The following ADAM7 variants were observed in gnomAD, a reference collection of about 807,000 sequenced individuals.
ADAM7 encodes ADAM metallopeptidase domain 7.
In ADAM7, 97 loss-of-function variants were observed where a neutral mutation model predicts 102.9. The ratio of observed to expected loss-of-function variants is 0.94; its 90% CI spans 0.80 to 1.12. The LOEUF is 1.12. ADAM7 is among the 50% of genes most tolerant of loss of function. The pLI, the probability that ADAM7 is intolerant of heterozygous loss-of-function variation, is 0.00. For synonymous variants in ADAM7, 334 were observed against 304.4 expected (o/e 1.10, Z -1.01); for missense variants, 991 against 908.7 (o/e 1.09, Z -1.16).
rs146651127 is a variant in ADAM7, at chr8:24,500,813, C to T, written c.2026C>T (p.Leu676Phe). 42 of 1,613,104 alleles carry T rather than the reference C, an allele frequency of 2.6e-5. No individual in the cohort carries two copies. In the African/African-American group the frequency reaches 5.3e-4, roughly 21 times the overall value. ...VTNITILVVV[L>F]VLVIVGIGVL... The stretch of plus-strand genomic sequence containing the variant: ...AGATATCACCATCTTGGTTGTTGTG[C>T]TTGTCCTGGTTATTGTCGGTATCGG... Residue 676 changes from leucine (L) to phenylalanine (F), a missense_variant, in exon 19 of 22, where the codon CTT becomes TTT. Physicochemically the swap from Leu to Phe is conservative, Grantham distance 22. Coordinates refer to ENST00000175238, the MANE Select transcript of ADAM7 (RefSeq NM_003817.4).
At chr8:24,448,989 T>C (rs1401379215) in intron 3 of ADAM7, among the ~76,000 whole-genome samples, 5 of 152,206 alleles carry the variant, frequency 3.3e-5, no homozygotes, top group Admixed American at 3.3e-4. Flanking sequence ...AACTCATCCT[T>C]TTTTATGGCT....
chr8:24,468,788 G>A lies in ADAM7; in HGVS notation c.601G>A (p.Val201Ile). ...KIKGIHDEKY[V>I]ELFIVADDTV... ...ACAGGGCATCCATGATGAAAAGTAT[G>A]TTGAATTGTTCATTGTTGCTGATGA... Residue 201 changes from valine to isoleucine, a missense_variant, in exon 7 of 22, where the codon GTT becomes ATT. Coordinates refer to ENST00000175238, the MANE Select transcript of ADAM7 (RefSeq NM_003817.4). The A allele has an allele frequency of 6.2e-7, 1 of 1,613,288 alleles. No individual in the cohort carries two copies. The highest frequency in any genetic ancestry group is 8.5e-7 in the Non-Finnish European group (1 of 1,179,714).
Position 24,509,310 on chromosome 8 carries a change from T to G in ADAM7, c.*764T>G. 1 of 985,414 alleles carries G rather than the reference T, an allele frequency of 1.0e-6. No individual in the cohort carries two copies. Among genetic ancestry groups the G allele is most frequent in the Non-Finnish European group, 1.2e-6 (1 of 829,948 alleles). 61.0% of individuals were successfully genotyped at this position (985,414 alleles called of 1,614,324 possible). On this transcript the variant is annotated 3_prime_UTR_variant, in exon 22 of 22. Transcript: ENST00000175238. ...GTCTTTGTCCTGTGCAATTTGACAA[T>G]GTGCCATTTCTGTGCTGTCTCTGCC...
chr8:24,459,146 G>A (rs1819146863), intron 3 of ADAM7, among the ~76,000 whole-genome samples: 1 of 151,858 alleles, frequency 6.6e-6, no homozygotes, highest in Non-Finnish European at 1.5e-5. Context: ...GAGCATATTT[G>A]TGTGTATGTG....
At position 24,471,228 on chromosome 8, in the gene ADAM7, A is replaced by G. The variant is rs571354704; in HGVS notation, c.633+2408A>G. Among the ~76,000 whole-genome samples, 113 of 152,270 alleles carry G rather than the reference A, an allele frequency of 7.4e-4. 1 individual carries two copies. The highest frequency in any genetic ancestry group is 2.7e-3 in the African/African-American group (112 of 41,582). ...AAAAATCAAAAGTTTAAAAATTTTT[A>G]AAGTTTATAAAGTAAAAATGTTACA... On this transcript the variant is annotated intron_variant, in intron 7 of 21. Transcript: ENST00000175238.
intron 19 of ADAM7, 126 bp from the exon 20 acceptor site, chr8:24,501,351 A>G: frequency 3.1e-6 from 2 of 654,668 alleles, no homozygotes; most frequent in South Asian, 4.3e-5. Context: ...ATTTCAATAT[A>G]TTTAACATTG....
chr8:24,503,303 A>G (rs552023865), intron 20 of ADAM7, among the ~76,000 whole-genome samples: 1 of 152,278 alleles, frequency 6.6e-6, no homozygotes, highest in East Asian at 1.9e-4. Context: ...TTGTAGCAAC[A>G]GCGATAATTT....
At chr8:24,502,310 GA>G (rs1209810600) in intron 20 of ADAM7, among the ~76,000 whole-genome samples, 6 of 151,812 alleles carry the variant, frequency 4.0e-5, no homozygotes, top group Non-Finnish European at 8.8e-5. Context: ...GCTTCTGTTT[GA>G]AAAGAAGAAA....
Position 24,481,122 on chromosome 8 carries a change from G to A in ADAM7, c.706-1020G>A, listed in dbSNP as rs189391896. Among the ~76,000 whole-genome samples the A allele has an allele frequency of 6.5e-3, 990 of 152,130 alleles. 10 individuals are homozygous for A. The highest frequency in any genetic ancestry group is 0.012 in the Admixed American group (183 of 15,266). ...ATTCAGGGCCAAGAGGAATAAGGAT[G>A]CATATCACAGGCTCCAGGGTAGATT... On this transcript the variant is annotated intron_variant, in intron 8 of 21. Coordinates refer to ENST00000175238, the MANE Select transcript of ADAM7 (RefSeq NM_003817.4).
intron 3 of ADAM7, among the ~76,000 whole-genome samples, chr8:24,458,023 C>T (rs1819103236): frequency 6.6e-6 from 1 of 152,160 alleles, no homozygotes; most frequent in South Asian, 2.1e-4. Flanking sequence ...ATGACTATTT[C>T]TTGGCTCTCT....
intron 2 of ADAM7, among the ~76,000 whole-genome samples, chr8:24,444,494 G>A (rs560321851): frequency 6.6e-6 from 1 of 151,866 alleles, no homozygotes; most frequent in African/African-American, 2.4e-5. Context: ...CCTCAGCCAC[G>A]TGATCAGGTT....
intron 7 of ADAM7, chr8:24,476,089 G>A (rs1819760215): frequency 2.6e-6 from 1 of 386,988 alleles, no homozygotes; most frequent in Non-Finnish European, 5.0e-6. Context: ...GCTTTAATAG[G>A]TTTGTTTCAT....
In ADAM7 at chr8:24,447,204, T is replaced by C. The variant is rs747698716; in HGVS notation, c.175T>C (p.Leu59=). The change falls in exon 3 of 22, where the codon TTG becomes CTG. Residue 59 remains leucine, a synonymous_variant. Coordinates refer to ENST00000175238, the MANE Select transcript of ADAM7 (RefSeq NM_003817.4). The stretch of plus-strand genomic sequence containing the variant: ...TTTTTAGAAAACGTATGAAGAAGAA[T>C]TGTTGTATGAAATAAAACTAAATAG... ...DDILKTYEEE[L]LYEIKLNRKT... The C allele has an allele frequency of 3.9e-6, 6 of 1,551,956 alleles. No homozygotes were observed. The highest frequency in any genetic ancestry group is 5.3e-6 in the Non-Finnish European group (6 of 1,137,474).
intron 4 of ADAM7, among the ~76,000 whole-genome samples, chr8:24,465,220 G>A (rs990770370): frequency 6.6e-6 from 1 of 152,152 alleles, no homozygotes; most frequent in African/African-American, 2.4e-5. Context: ...ACCACAGAAA[G>A]TGTCATCCAT....
At chr8:24,501,660 A>G in intron 20 of ADAM7, 84 bp downstream of exon 20, 1 of 1,001,202 alleles carries the variant, frequency 1.0e-6, no homozygotes, top group Non-Finnish European at 1.5e-6. Flanking sequence ...AACCCGTCCT[A>G]AGCTAAGTGA....
intron 9 of ADAM7, among the ~76,000 whole-genome samples, chr8:24,484,151 A>C (rs1284157698): frequency 6.6e-6 from 1 of 152,178 alleles, no homozygotes. Flanking sequence ...CAATACCCCC[A>C]GAGTTTAAAA....
chr8:24,480,149 C>T (rs1819901007), intron 8 of ADAM7, among the ~76,000 whole-genome samples: 1 of 152,166 alleles, frequency 6.6e-6, no homozygotes, highest in Non-Finnish European at 1.5e-5. Context: ...TGTCTTTTAT[C>T]ACTTCCCTAG....
intron 3 of ADAM7, among the ~76,000 whole-genome samples, chr8:24,452,081 A>G (rs375108176): frequency 1.7e-4 from 25 of 149,682 alleles, no homozygotes; most frequent in South Asian, 6.4e-4. Flanking sequence ...TATGTGGTCA[A>G]TTTTGGAATA....
chr8:24,467,296 G>T, intron 6 of ADAM7: 1 of 388,524 alleles, frequency 2.6e-6, no homozygotes, highest in Non-Finnish European at 4.5e-6. Flanking sequence ...TAGAGATAGT[G>T]TCTTTCCTTT....
Sources: allele counts gnomAD v4.1 joint callset (sites outside exome capture counted in the v4.1 genomes callset), GRCh38; gene constraint gnomAD v4.1.1; transcripts MANE v1.5; gene names NCBI Gene and HGNC (gene_info 2026-07-23, HGNC 2026-07-21).